TLL1: variants seen among roughly 807,000 people sequenced by gnomAD.
The protein encoded by TLL1 is tolloid like 1.
Under a neutral mutation model 128.2 loss-of-function variants are expected in TLL1, and 49 were observed. The observed-to-expected ratio is 0.38, with a 90% CI of 0.30 to 0.48. TLL1 has a LOEUF of 0.48. TLL1 is among the 20% of genes least tolerant of loss of function. The probability of loss-of-function intolerance (pLI) is 0.96; values close to 1 mark genes in which losing one functional copy is unlikely to be tolerated. For synonymous variants in TLL1, 454 were observed against 418.8 expected (o/e 1.08, Z -1.03); for missense variants, 1,123 against 1,242.0 (o/e 0.90, Z 1.44).
At position 166,099,277 on chromosome 4, in the gene TLL1, A is replaced by G. The variant is rs756078441; in HGVS notation, c.2657A>G (p.Glu886Gly). The change falls in exon 20 of 21, where the codon GAG becomes GGG. Residue 886 changes from glutamate to glycine, a missense_variant and splice_region_variant. Around this residue, in one of 3 missense-constraint regions of TLL1, gnomAD observed 634 missense variants for 672.4 expected, o/e 0.94. Coordinates refer to ENST00000061240, the MANE Select transcript of TLL1 (RefSeq NM_012464.5). ...CATCTTATTTTTCTTTCCTGGGCAG[A>G]GTGTGGCGGACGATTGAAAGCAGAA... ...RKGFQATHSTECGGRLKAESK... is the reference protein window; with the variant it reads ...RKGFQATHSTGCGGRLKAESK... 1 of 1,613,502 alleles carries G rather than the reference A, an allele frequency of 6.2e-7. No homozygotes were observed. The highest frequency in any genetic ancestry group is 8.5e-7 in the Non-Finnish European group (1 of 1,179,584).
intron 1 of TLL1, among the ~76,000 whole-genome samples, chr4:165,944,522 G>A (rs1158041192): frequency 2.0e-5 from 3 of 152,056 alleles, no homozygotes; most frequent in Non-Finnish European, 2.9e-5. Flanking sequence ...GGGACTTAAG[G>A]CCATATTTTT....
intron 1 of TLL1, among the ~76,000 whole-genome samples, chr4:165,966,042 G>C (rs897771993): frequency 2.6e-5 from 4 of 151,952 alleles, no homozygotes; most frequent in African/African-American, 9.7e-5. Flanking sequence ...AGCTGGGTGT[G>C]GTGGTGGGCG....
At chr4:166,086,472 T>C (rs1741520855) in intron 18 of TLL1, among the ~76,000 whole-genome samples, 1 of 152,068 alleles carries the variant, frequency 6.6e-6, no homozygotes, top group Admixed American at 6.6e-5. Flanking sequence ...TGGGAGCATA[T>C]GTAAAGGGTC....
intron 1 of TLL1, among the ~76,000 whole-genome samples, chr4:165,936,048 A>T (rs1433239351): frequency 1.3e-5 from 2 of 151,282 alleles, no homozygotes; most frequent in African/African-American, 2.4e-5. Context: ...GCAGCTGTTG[A>T]TTCTTAATGG....
rs778589705 is a variant in TLL1, at chr4:166,014,555, G to A, written c.1037G>A (p.Cys346Tyr). The part of the protein sequence containing the change: ...DIAQARKLYR[C>Y]PACGETLQES... The stretch of plus-strand genomic sequence containing the variant: ...GCACAGGCAAGAAAGCTGTATAGAT[G>A]TCCAGGTATTGCACTACACAAACAC... Residue 346 changes from cysteine to tyrosine, a missense_variant, in exon 8 of 21, where the codon TGT (cysteine) becomes TAT (tyrosine). Transcript: ENST00000061240. The A allele has an allele frequency of 1.2e-6, 2 of 1,611,774 alleles. No homozygotes were observed. Among genetic ancestry groups the A allele is most frequent in the Non-Finnish European group, 1.7e-6 (2 of 1,178,400 alleles).
In TLL1 at chr4:165,977,044, T is replaced by A. The variant is rs1355789487; in HGVS notation, c.170-12337T>A. 2.0e-5 allele frequency among the ~76,000 whole-genome samples: 3 copies of A among 152,198 alleles called. No homozygotes were observed. The East Asian group carries it at 5.8e-4, about 29-fold the overall frequency. The stretch of plus-strand genomic sequence containing the variant: ...TACCCCTGAATGAAGAGATATTTAA[T>A]CTTTAACTATAACAAAAGAAAAAAA... On this transcript the variant is annotated intron_variant, in intron 1 of 20. Coordinates refer to ENST00000061240, the MANE Select transcript of TLL1 (RefSeq NM_012464.5).
intron 9 of TLL1, among the ~76,000 whole-genome samples, chr4:166,037,581 G>T (rs1171181738): frequency 6.6e-6 from 1 of 152,188 alleles, no homozygotes; most frequent in Non-Finnish European, 1.5e-5. Context: ...GCTGAGGCTG[G>T]TGGATCACCT....
intron 5 of TLL1, among the ~76,000 whole-genome samples, chr4:165,997,350 A>G (rs1362181199): frequency 1.3e-5 from 2 of 152,198 alleles, no homozygotes; most frequent in Admixed American, 1.3e-4. Flanking sequence ...GTGTGGCAAT[A>G]AATGTGTAGC....
At chr4:165,960,403 C>A (rs1265085533) in intron 1 of TLL1, among the ~76,000 whole-genome samples, 1 of 152,050 alleles carries the variant, frequency 6.6e-6, no homozygotes, top group Non-Finnish European at 1.5e-5. Context: ...TAACTGGTAC[C>A]AGTTCTACTG....
chr4:166,085,512 A>G (rs969775507), intron 18 of TLL1, among the ~76,000 whole-genome samples: 10 of 151,782 alleles, frequency 6.6e-5, no homozygotes, highest in African/African-American at 1.5e-4. Flanking sequence ...GAATTTGCCA[A>G]ATGCTTTTTT....
intron 1 of TLL1, among the ~76,000 whole-genome samples, chr4:165,882,464 A>G (rs1731004196): frequency 1.3e-5 from 2 of 151,918 alleles, no homozygotes; most frequent in Non-Finnish European, 2.9e-5. Flanking sequence ...TTATATATGT[A>G]TATTCTTTAG....
chr4:166,009,168 G>A (rs984437313), intron 7 of TLL1, among the ~76,000 whole-genome samples: 1 of 151,402 alleles, frequency 6.6e-6, no homozygotes, highest in African/African-American at 2.4e-5. Context: ...AACATGCTCA[G>A]TAATTTGACC....
intron 1 of TLL1, among the ~76,000 whole-genome samples, chr4:165,967,967 C>A (rs1397644670): frequency 2.0e-5 from 3 of 152,114 alleles, no homozygotes; most frequent in African/African-American, 7.2e-5. Context: ...CAATACAATG[C>A]CTAGGTTTGA....
At chr4:166,094,948 G>A (rs951782616) in intron 19 of TLL1, among the ~76,000 whole-genome samples, 2 of 152,038 alleles carry the variant, frequency 1.3e-5, no homozygotes, top group African/African-American at 2.4e-5. Flanking sequence ...ACAGCTTACA[G>A]TCTGATAAGT....
At chr4:165,993,005 T>A in intron 3 of TLL1, 121 bp downstream of exon 3, 1 of 850,226 alleles carries the variant, frequency 1.2e-6, no homozygotes. Flanking sequence ...AATGATATAT[T>A]CTAAAACTTT....
At chr4:166,043,055 T>C (rs1419208016) in intron 11 of TLL1, among the ~76,000 whole-genome samples, 1 of 152,186 alleles carries the variant, frequency 6.6e-6, no homozygotes, top group Non-Finnish European at 1.5e-5. Context: ...TTAAAAATTA[T>C]TTATTCCTTG....
chr4:166,017,185 T>A (rs1189634989), intron 8 of TLL1, among the ~76,000 whole-genome samples: 1 of 152,066 alleles, frequency 6.6e-6, no homozygotes, highest in African/African-American at 2.4e-5. Flanking sequence ...TGAGAATATG[T>A]GGTATTTGGT....
At chr4:166,046,689 C>T (rs917098990) in intron 12 of TLL1, among the ~76,000 whole-genome samples, 11 of 152,138 alleles carry the variant, frequency 7.2e-5, no homozygotes, top group African/African-American at 2.4e-4. Flanking sequence ...TTCGTTCAGA[C>T]ATGTATGGTG....
At chr4:165,892,582 C>A (rs576282193) in intron 1 of TLL1, among the ~76,000 whole-genome samples, 1 of 152,200 alleles carries the variant, frequency 6.6e-6, no homozygotes, top group East Asian at 1.9e-4. Flanking sequence ...CCCTTTATGC[C>A]TCTTTTCTTT....
Sources: gnomAD v4.1 joint callset for allele counts (sites outside exome capture counted in the v4.1 genomes callset) on GRCh38, gnomAD v4.1.1 for gene constraint, gnomAD v4.1.1 regional missense constraint, MANE v1.5 for transcripts, NCBI Gene and HGNC (gene_info 2026-07-23, HGNC 2026-07-21) for gene names.